CHRNB2: variants seen among roughly 807,000 people sequenced by gnomAD.
The protein encoded by CHRNB2 is cholinergic receptor nicotinic beta 2 subunit.
CHRNB2 carries 33 observed loss-of-function variants against 42.7 expected under a neutral mutation model. The ratio of observed to expected loss-of-function variants is 0.77; its 90% CI spans 0.59 to 1.03. The LOEUF (loss-of-function observed/expected upper bound fraction) is 1.03, where lower values mean the gene tolerates loss of function less well. Among genes scored for constraint, CHRNB2 ranks in the 50% least tolerant of loss-of-function variants. The pLI is 0.00. For synonymous variants in CHRNB2, 325 were observed against 292.9 expected, an observed-to-expected ratio of 1.11 and a Z score of -1.12; for missense variants, 603 against 700.9, an observed-to-expected ratio of 0.86 and a Z score of 1.58.
rs1696158599 is a variant in CHRNB2, at chr1:154,571,223, A to C, written c.400A>C (p.Asn134His). 6.2e-7 allele frequency: 1 copy of C among 1,613,998 alleles called. No individual in the cohort carries two copies. The highest frequency in any genetic ancestry group is 1.3e-5 in the African/African-American group (1 of 74,890). ...CATGTACGAGGTGTCCTTCTATTCC[A>C]ATGCCGTGGTCTCCTATGATGGCAG... is the stretch of plus-strand genomic sequence containing the variant. Reference protein sequence around the residue: ...DGMYEVSFYSNAVVSYDGSIF... With the variant: ...DGMYEVSFYSHAVVSYDGSIF... The change falls in exon 5 of 6, where the codon AAT (asparagine) becomes CAT (histidine). Residue 134 changes from asparagine to histidine, a missense_variant. By Grantham distance (68) the Asn-to-His change is moderately conservative. Around this residue, in one of 2 missense-constraint regions of CHRNB2, gnomAD observed 333 missense variants for 452.6 expected, o/e 0.74. Transcript: ENST00000368476. The surrounding 1 kb of genome is among the most constrained non-coding windows in gnomAD (Gnocchi z 6.8).
intron 5 of CHRNB2, among the ~76,000 whole-genome samples, chr1:154,573,294 C>T (rs1233184933): frequency 1.3e-5 from 2 of 152,152 alleles, no homozygotes; most frequent in South Asian, 2.1e-4. Flanking sequence ...GTGCATTTAC[C>T]GAGCTAGGTG....
In CHRNB2 at chr1:154,579,644, T is replaced by C. The variant is rs1368864990; in HGVS notation, c.*3712T>C. 1 of 152,342 alleles carries C rather than the reference T, an allele frequency of 6.6e-6. No individual in the cohort carries two copies. Among genetic ancestry groups the C allele is most frequent in the East Asian group, 1.9e-4 (1 of 5,200 alleles). 9.4% of individuals were successfully genotyped at this position (152,342 alleles called of 1,614,324 possible). A position where few individuals can be genotyped will look rare whatever the true frequency, so the allele number is the denominator to read the frequency against. On this transcript the variant is annotated 3_prime_UTR_variant, in exon 6 of 6. Coordinates refer to ENST00000368476, the MANE Select transcript of CHRNB2 (RefSeq NM_000748.3). Reference sequence around the variant, plus strand: ...TGACTAGACAGCGAACAGCCACCTTTTAGTATTCATCCCAACAGGTCCAGG... The same window carrying C: ...TGACTAGACAGCGAACAGCCACCTTCTAGTATTCATCCCAACAGGTCCAGG...
rs1696262669 is a variant in CHRNB2, at chr1:154,575,847, T to C, written c.1424T>C (p.Ile475Thr). The change falls in exon 6 of 6, where the codon ATC (isoleucine) becomes ACC (threonine). Residue 475 changes from isoleucine (I) to threonine (T), a missense_variant. Around this residue, in one of 2 missense-constraint regions of CHRNB2, gnomAD observed 270 missense variants for 248.3 expected, o/e 1.09. Coordinates refer to ENST00000368476, the MANE Select transcript of CHRNB2 (RefSeq NM_000748.3). The part of the protein sequence containing the change: ...IFVFVCVFGT[I>T]GMFLQPLFQN... ...GTCTTTGTCTGTGTCTTTGGCACCA[T>C]CGGCATGTTCCTGCAGCCTCTCTTC... The C allele has an allele frequency of 6.2e-7, 1 of 1,614,168 alleles. No homozygotes were observed. The highest frequency in any genetic ancestry group is 8.5e-7 in the Non-Finnish European group (1 of 1,180,030).
At chr1:154,569,942 T>C in intron 3 of CHRNB2, 106 bp downstream of exon 3, 1 of 1,357,632 alleles carries the variant, frequency 7.4e-7, no homozygotes, top group Non-Finnish European at 1.0e-6. Context: ...CAGAAAGGTA[T>C]AGAGTTTGGA....
intron 2 of CHRNB2, 71 bp from the exon 3 acceptor site, chr1:154,569,721 G>T: frequency 6.2e-7 from 1 of 1,612,798 alleles, no homozygotes; most frequent in Non-Finnish European, 8.5e-7. Flanking sequence ...AGGTGTGAGA[G>T]GGACCCTGGG....
chr1:154,568,888 A>T (rs1341417404), intron 1 of CHRNB2, among the ~76,000 whole-genome samples: 1 of 151,974 alleles, frequency 6.6e-6, no homozygotes, highest in Non-Finnish European at 1.5e-5. Flanking sequence ...ACTCCAACCC[A>T]GTGCCTTTAG....
In CHRNB2 at chr1:154,579,988, A is replaced by C. The variant is rs1226694380; in HGVS notation, c.*4056A>C. The C allele has an allele frequency of 6.6e-6, 1 of 152,278 alleles. No individual in the cohort carries two copies. The highest frequency in any genetic ancestry group is 2.4e-5 in the African/African-American group (1 of 41,466). The allele number at this position is 152,278 out of a possible 1,614,324, so 9.4% of individuals were successfully genotyped here. A position where few individuals can be genotyped will look rare whatever the true frequency, so the allele number is the denominator to read the frequency against. On this transcript the variant is annotated 3_prime_UTR_variant, in exon 6 of 6. Coordinates refer to ENST00000368476, the MANE Select transcript of CHRNB2 (RefSeq NM_000748.3). ...AGAAACTGGACTCGTGAGAGCTTAA[A>C]GACATCACAAGAATCCAAAGAAAAA...
rs1292097471 is a variant in CHRNB2 at position 154,568,092 on chromosome 1, C to T, written c.48C>T (p.Leu16=). ...TGGCGCTGCTCCTTGGCTTCGGCCT[C>T]CTCCGGCTGTGCTCAGGTAAGGGAA... The part of the protein sequence containing the change: ...GPVALLLGFG[L]LRLCSGVWGT... The change falls in exon 1 of 6, where the codon CTC becomes CTT. Residue 16 remains leucine (L), a synonymous_variant. Coordinates refer to ENST00000368476, the MANE Select transcript of CHRNB2 (RefSeq NM_000748.3). The T allele has an allele frequency of 6.2e-7, 1 of 1,603,992 alleles. No individual in the cohort carries two copies. Among genetic ancestry groups the T allele is most frequent in the Admixed American group, 1.7e-5 (1 of 59,164 alleles).
chr1:154,571,172 T>C lies in CHRNB2; in HGVS notation c.366-17T>C, dbSNP rs747237652. 9 of 1,614,036 alleles carry C rather than the reference T, an allele frequency of 5.6e-6. No individual in the cohort carries two copies. The South Asian group carries it at 9.9e-5, about 18-fold the overall frequency. ...GGAACGCTTAGGCCAGGGCTGACTG[T>C]GCCCATCCTTTGGCAGTGCTGACGG... is the stretch of plus-strand genomic sequence containing the variant. On this transcript the variant is annotated splice_polypyrimidine_tract_variant and intron_variant, in intron 4 of 5. Transcript: ENST00000368476. This position sits in a 1 kb window ranked among gnomAD's most constrained non-coding sequence, Gnocchi z 6.8.
rs2101522989 is a variant in CHRNB2, at chr1:154,572,174, G to A, written c.1338+13G>A. ...CGATGACCAGAGCGTGAGTGCCGCA[G>A]GCTGGGACCCCGGGCGTGAGATATG... is the stretch of plus-strand genomic sequence containing the variant. On this transcript the variant is annotated intron_variant, in intron 5 of 5. Coordinates refer to ENST00000368476, the MANE Select transcript of CHRNB2 (RefSeq NM_000748.3). 1.3e-6 allele frequency: 2 copies of A among 1,536,458 alleles called. No homozygotes were observed. The highest frequency in any genetic ancestry group is 1.7e-6 in the Non-Finnish European group (2 of 1,146,504).
At chr1:154,573,300 A>G (rs1295454961) in intron 5 of CHRNB2, among the ~76,000 whole-genome samples, 1 of 152,172 alleles carries the variant, frequency 6.6e-6, no homozygotes, top group Non-Finnish European at 1.5e-5. Context: ...TTACCGAGCT[A>G]GGTGCTGAGG....
chr1:154,569,697 T>A (rs1696127957), intron 2 of CHRNB2, 90 bp downstream of exon 2: 1 of 1,612,796 alleles, frequency 6.2e-7, no homozygotes, highest in African/African-American at 1.3e-5. Flanking sequence ...CCCTGGTGTT[T>A]CCAAGGCTTG....
In CHRNB2 at chr1:154,571,234, C is replaced by G; in HGVS notation, c.411C>G (p.Val137=). Residue 137 remains valine (V), a synonymous_variant, in exon 5 of 6, where the codon GTC becomes GTG. Transcript: ENST00000368476. The surrounding 1 kb of genome is among the most constrained non-coding windows in gnomAD (Gnocchi z 6.8). Reference sequence around the variant, plus strand: ...TGTCCTTCTATTCCAATGCCGTGGTCTCCTATGATGGCAGCATCTTCTGGC... The same window carrying G: ...TGTCCTTCTATTCCAATGCCGTGGTGTCCTATGATGGCAGCATCTTCTGGC... ...YEVSFYSNAV[V]SYDGSIFWLP... 1.2e-6 allele frequency: 2 copies of G among 1,614,168 alleles called. No homozygotes were observed. Among genetic ancestry groups the G allele is most frequent in the East Asian group, 2.2e-5 (1 of 44,880 alleles).
chr1:154,574,095 G>T (rs559573963), intron 5 of CHRNB2, among the ~76,000 whole-genome samples: 1 of 152,134 alleles, frequency 6.6e-6, no homozygotes, highest in Non-Finnish European at 1.5e-5. Flanking sequence ...GTGGCCTCAG[G>T]ACCTTTGCAC....
rs1414754950 is a variant in CHRNB2 at position 154,571,823 on chromosome 1, T to C, written c.1000T>C (p.Trp334Arg). The change falls in exon 5 of 6, where the codon TGG (tryptophan) becomes CGG (arginine). Residue 334 changes from tryptophan to arginine, a missense_variant. By Grantham distance (101) the Trp-to-Arg change is moderately radical. This residue lies in a region of CHRNB2 where 270 missense variants were observed against 248.3 expected (regional missense o/e 1.09). Transcript: ENST00000368476. This position sits in a 1 kb window ranked among gnomAD's most constrained non-coding sequence, Gnocchi z 6.8. ...GCCCACCACGCACACCATGGCGCCCTGGGTGAAGGTCGTCTTCCTGGAGAA... is the reference window on the plus strand; with the variant it reads ...GCCCACCACGCACACCATGGCGCCCCGGGTGAAGGTCGTCTTCCTGGAGAA... ...RSPTTHTMAP[W>R]VKVVFLEKLP... 1.2e-6 allele frequency: 2 copies of C among 1,613,534 alleles called. No homozygotes were observed. The highest frequency in any genetic ancestry group is 1.7e-6 in the Non-Finnish European group (2 of 1,179,970).
At chr1:154,573,071 A>C (rs1370818031) in intron 5 of CHRNB2, among the ~76,000 whole-genome samples, 1 of 152,110 alleles carries the variant, frequency 6.6e-6, no homozygotes, top group Non-Finnish European at 1.5e-5. Context: ...CTGGGGGATG[A>C]AGAAGGGCAC....
chr1:154,576,086 TC>T lies in CHRNB2; in HGVS notation c.*156del. ...TCTGGAGTCCCTCCTCCCCCACGCCTCCATCCACACACAGCAGCTCCAACCT... is the reference window on the plus strand; with the variant it reads ...TCTGGAGTCCCTCCTCCCCCACGCCTCATCCACACACAGCAGCTCCAACCT... On this transcript the variant is annotated 3_prime_UTR_variant, in exon 6 of 6. Transcript: ENST00000368476. 1 of 913,530 alleles carries T rather than the reference TC, an allele frequency of 1.1e-6. No homozygotes were observed. The highest frequency in any genetic ancestry group is 1.7e-6 in the Non-Finnish European group (1 of 579,844). 56.6% of individuals were successfully genotyped at this position (913,530 alleles called of 1,614,324 possible).
Position 154,576,649 on chromosome 1 carries a change from C to G in CHRNB2, c.*717C>G, listed in dbSNP as rs1696286138. ...CCCTCTTCTTCCTTCCTTTCTCAGG[C>G]TCAAGGTGTGGGGGGCAAGGCTGAG... On this transcript the variant is annotated 3_prime_UTR_variant, in exon 6 of 6. Transcript: ENST00000368476. 6.4e-6 allele frequency: 1 copy of G among 155,166 alleles called. No homozygotes were observed. The highest frequency in any genetic ancestry group is 2.4e-5 in the African/African-American group (1 of 41,422). 9.6% of individuals were successfully genotyped at this position (155,166 alleles called of 1,614,324 possible).
Position 154,578,425 on chromosome 1 carries a change from C to CT in CHRNB2, c.*2497dup, listed in dbSNP as rs778046307. 1 of 152,202 alleles carries CT rather than the reference C, an allele frequency of 6.6e-6. No homozygotes were observed. The highest frequency in any genetic ancestry group is 6.5e-5 in the Admixed American group (1 of 15,282). 9.4% of individuals were successfully genotyped at this position (152,202 alleles called of 1,614,324 possible). ...CTAGAGCTTGTCTGCTGTTTGACCT[C>CT]TTTTAAGACCCGGCTGTGCTGCATC... On this transcript the variant is annotated 3_prime_UTR_variant, in exon 6 of 6. Transcript: ENST00000368476.
Sources: allele counts gnomAD v4.1 joint callset (sites outside exome capture counted in the v4.1 genomes callset), GRCh38; gene constraint gnomAD v4.1.1; regional missense constraint gnomAD v4.1.1; non-coding constraint Gnocchi (gnomAD v3.1); transcripts MANE v1.5; gene names NCBI Gene and HGNC (gene_info 2026-07-23, HGNC 2026-07-21).